The following ZMYND8 variants were observed in gnomAD, a reference collection of about 807,000 sequenced individuals.
ZMYND8 encodes zinc finger MYND-type containing 8, also known as MYND-type zinc finger-containing chromatin reader ZMYND8.
In ZMYND8, 37 loss-of-function variants were observed where a neutral mutation model predicts 140.8. The ratio of observed to expected loss-of-function variants is 0.26; its 90% confidence interval spans 0.20 to 0.35. ZMYND8 has a LOEUF of 0.35. ZMYND8 is among the 10% of genes least tolerant of loss of function. ZMYND8 has a pLI of 1.00. For synonymous variants in ZMYND8, 592 were observed against 597.1 expected, an observed-to-expected ratio of 0.99 and a Z score of 0.12; for missense variants, 1,068 against 1,570.0, an observed-to-expected ratio of 0.68 and a Z score of 5.40.
chr20:47,228,978 A>T (rs1264268847), intron 17 of ZMYND8, among the ~76,000 whole-genome samples: 1 of 151,584 alleles, frequency 6.6e-6, no homozygotes, highest in Non-Finnish European at 1.5e-5. Context: ...CGGATGCTTT[A>T]TAAGTAGATA....
At chr20:47,244,600 T>A (rs1259435341) in intron 14 of ZMYND8, among the ~76,000 whole-genome samples, 4 of 152,180 alleles carry the variant, frequency 2.6e-5, no homozygotes, top group Non-Finnish European at 2.9e-5. Flanking sequence ...GATTGCCACA[T>A]TTGTGACTGC....
At chr20:47,282,803 C>T (rs145538567) in intron 9 of ZMYND8, among the ~76,000 whole-genome samples, 3 of 152,032 alleles carry the variant, frequency 2.0e-5, no homozygotes, top group South Asian at 2.1e-4. Context: ...TGGGCAGGCA[C>T]GAGCAAGACA....
intron 16 of ZMYND8, among the ~76,000 whole-genome samples, chr20:47,232,909 T>G (rs1484737690): frequency 1.0e-4 from 14 of 135,356 alleles, no homozygotes; most frequent in African/African-American, 4.3e-4. Flanking sequence ...TTTTTTTGTT[T>G]TTTTTTTTTT....
At chr20:47,263,386 G>GA (rs1271012123) in intron 11 of ZMYND8, among the ~76,000 whole-genome samples, 1 of 152,244 alleles carries the variant, frequency 6.6e-6, no homozygotes, top group Non-Finnish European at 1.5e-5. Flanking sequence ...TAGGAACTGA[G>GA]ACTCCCCAGG....
chr20:47,255,522 C>T (rs1437064842), intron 12 of ZMYND8, among the ~76,000 whole-genome samples: 3 of 145,870 alleles, frequency 2.1e-5, no homozygotes, highest in East Asian at 2.0e-4. Context: ...TATACATATG[C>T]ATATGGTGGA....
At chr20:47,234,269 G>A (rs563131319) in intron 16 of ZMYND8, among the ~76,000 whole-genome samples, 2 of 152,320 alleles carry the variant, frequency 1.3e-5, no homozygotes, top group South Asian at 4.1e-4. Context: ...GGCTGGTCCT[G>A]AACTCCTGAG....
intron 11 of ZMYND8, among the ~76,000 whole-genome samples, chr20:47,273,604 A>C (rs1046369459): frequency 1.3e-5 from 2 of 152,122 alleles, no homozygotes; most frequent in African/African-American, 4.8e-5. Context: ...AAAAGTCTTA[A>C]CTGTCTACGG....
intron 2 of ZMYND8, among the ~76,000 whole-genome samples, chr20:47,336,640 C>T (rs1276994385): frequency 6.6e-6 from 1 of 152,236 alleles, no homozygotes; most frequent in Non-Finnish European, 1.5e-5. Context: ...TGAATTGTGC[C>T]TTGGCCAGTC....
intron 21 of ZMYND8, among the ~76,000 whole-genome samples, chr20:47,215,656 G>A (rs766115661): frequency 6.6e-6 from 1 of 152,028 alleles, no homozygotes; most frequent in Non-Finnish European, 1.5e-5. Context: ...ACTACAGGTG[G>A]GCCCTAGCTC....
At position 47,356,351 on chromosome 20, in the gene ZMYND8, G is replaced by A. The variant is rs1569273277; in HGVS notation, c.14+306C>T. ...AGGGAAAGAAAAAAAAAAAAAGAAG[G>A]AAAAAAAAAAGCTTCTTTTTTGGCA... On this transcript the variant is annotated intron_variant, in intron 1 of 22. Coordinates refer to ENST00000471951, the MANE Select transcript of ZMYND8 (RefSeq NM_001281775.3). 1.5e-5 allele frequency: 19 copies of A among 1,301,060 alleles called. No individual in the cohort carries two copies. In the South Asian group the frequency reaches 2.0e-4, roughly 14 times the overall value. 80.6% of individuals were successfully genotyped at this position (1,301,060 alleles called of 1,614,324 possible). A position where few individuals can be genotyped will look rare whatever the true frequency, so the allele number is the denominator to read the frequency against.
intron 8 of ZMYND8, among the ~76,000 whole-genome samples, chr20:47,286,061 T>G (rs1292448531): frequency 6.6e-6 from 1 of 151,924 alleles, no homozygotes; most frequent in Non-Finnish European, 1.5e-5. Flanking sequence ...TAAAAAGAAA[T>G]AGCCAGGCTA....
chr20:47,290,429 C>G (rs763488061), intron 6 of ZMYND8, among the ~76,000 whole-genome samples, 155 bp from the exon 7 acceptor site: 1 of 152,174 alleles, frequency 6.6e-6, no homozygotes, highest in South Asian at 2.1e-4. Context: ...TAACCTACAA[C>G]ACCCCGACTA....
intron 2 of ZMYND8, among the ~76,000 whole-genome samples, chr20:47,322,913 G>A (rs971210972): frequency 6.6e-6 from 1 of 152,202 alleles, no homozygotes; most frequent in African/African-American, 2.4e-5. Flanking sequence ...GGGCATGCTT[G>A]GCATTGGCCA....
intron 14 of ZMYND8, among the ~76,000 whole-genome samples, chr20:47,239,895 A>G (rs1025944436): frequency 6.6e-6 from 1 of 152,222 alleles, no homozygotes; most frequent in African/African-American, 2.4e-5. Context: ...GTTCAAGTCT[A>G]AAATGAGTTT....
At chr20:47,347,974 C>T (rs1201570778) in intron 1 of ZMYND8, 48 bp from the exon 2 acceptor site, 1 of 1,585,244 alleles carries the variant, frequency 6.3e-7, no homozygotes, top group African/African-American at 1.3e-5. Context: ...TGAGAACTTG[C>T]CCCATGGGGG....
chr20:47,318,358 G>A, intron 2 of ZMYND8: 1 of 287,222 alleles, frequency 3.5e-6, no homozygotes, highest in Non-Finnish European at 6.8e-6. Flanking sequence ...GCAAAGCAGA[G>A]CATGGTTAAT....
intron 21 of ZMYND8, among the ~76,000 whole-genome samples, chr20:47,219,289 C>T (rs1228355953): frequency 6.6e-6 from 1 of 151,696 alleles, no homozygotes; most frequent in East Asian, 2.0e-4. Context: ...AACTCCTGAC[C>T]TTGTGATCCG....
At chr20:47,334,542 T>C (rs1351696702) in intron 2 of ZMYND8, among the ~76,000 whole-genome samples, 4 of 151,172 alleles carry the variant, frequency 2.6e-5, no homozygotes, top group Non-Finnish European at 5.9e-5. Flanking sequence ...AAGTTTCTTA[T>C]TGGGGGTGAT....
chr20:47,282,647 C>T (rs1166386764), intron 9 of ZMYND8, among the ~76,000 whole-genome samples: 8 of 151,488 alleles, frequency 5.3e-5, no homozygotes, highest in African/African-American at 1.7e-4. Flanking sequence ...ATCACTTGAA[C>T]GCAGGAGGTG....
Sources: allele counts gnomAD v4.1 joint callset (sites outside exome capture counted in the v4.1 genomes callset), GRCh38; gene constraint gnomAD v4.1.1; transcripts MANE v1.5; gene names NCBI Gene and HGNC (gene_info 2026-07-23, HGNC 2026-07-21).